The following EGFLAM variants were observed in gnomAD, a reference collection of about 807,000 sequenced individuals.
EGFLAM encodes the protein EGF like, fibronectin type III and laminin G domains.
Under a neutral mutation model 113.1 loss-of-function variants are expected in EGFLAM, and 79 were observed. The ratio of observed to expected loss-of-function variants is 0.70; its 90% CI spans 0.58 to 0.84. The LOEUF is 0.84. Ranked by LOEUF, EGFLAM falls within the 40% of genes least tolerant of loss-of-function variation. EGFLAM has a pLI of 0.00. For missense variants in EGFLAM, 1,265 were observed against 1,291.6 expected, an observed-to-expected ratio of 0.98 and a Z score of 0.32; for synonymous variants, 504 against 487.6, an observed-to-expected ratio of 1.03 and a Z score of -0.44.
intron 1 of EGFLAM, among the ~76,000 whole-genome samples, chr5:38,264,049 G>A (rs1330330686): frequency 4.6e-5 from 7 of 152,220 alleles, no homozygotes; most frequent in African/African-American, 1.4e-4. Context: ...ACTTAGGGCT[G>A]ACAGCCGTGG....
At chr5:38,262,643 A>G (rs563604379) in intron 1 of EGFLAM, among the ~76,000 whole-genome samples, 55 of 152,280 alleles carry the variant, frequency 3.6e-4, no homozygotes, top group African/African-American at 9.9e-4. Flanking sequence ...ATGTTTTTGC[A>G]TATATTGGAA....
At chr5:38,369,704 A>G (rs531348428) in intron 5 of EGFLAM, among the ~76,000 whole-genome samples, 29 of 152,154 alleles carry the variant, frequency 1.9e-4, no homozygotes, top group African/African-American at 6.7e-4. Flanking sequence ...TCTGTGTATT[A>G]CCTCCCAGAT....
At chr5:38,458,461 C>G in intron 20 of EGFLAM, 67 bp downstream of exon 20, 1 of 1,497,450 alleles carries the variant, frequency 6.7e-7, no homozygotes, top group African/African-American at 1.4e-5. Flanking sequence ...TGTCCAGTTC[C>G]CTTGTAGTCC....
intron 18 of EGFLAM, among the ~76,000 whole-genome samples, chr5:38,450,237 G>A (rs1742867615): frequency 6.6e-6 from 1 of 152,190 alleles, no homozygotes; most frequent in African/African-American, 2.4e-5. Flanking sequence ...AGGAACCTGA[G>A]CGAAAATCTG....
Position 38,427,353 on chromosome 5 carries a change from G to A in EGFLAM, c.2054+101G>A, listed in dbSNP as rs141065085. ...CCATTCAACAGCTCACACTCATCCTGTCTTCTCTACATGCTTATCTTCTGA... is the reference window on the plus strand; with the variant it reads ...CCATTCAACAGCTCACACTCATCCTATCTTCTCTACATGCTTATCTTCTGA... On this transcript the variant is annotated intron_variant, in intron 14 of 21. Transcript: ENST00000322350. The A allele has an allele frequency of 5.5e-4, 845 of 1,528,614 alleles. 5 individuals are homozygous for A. The East Asian group carries it at 0.018, about 32-fold the overall frequency. 94.7% of individuals were successfully genotyped at this position (1,528,614 alleles called of 1,614,324 possible).
chr5:38,322,433 T>C (rs895419206), intron 1 of EGFLAM, among the ~76,000 whole-genome samples: 13 of 152,130 alleles, frequency 8.5e-5, no homozygotes, highest in Non-Finnish European at 1.5e-4. Flanking sequence ...TAGAGGAGGA[T>C]CCAAACTGGT....
chr5:38,346,169 AT>A (rs1453136765), intron 3 of EGFLAM, among the ~76,000 whole-genome samples: 1 of 152,142 alleles, frequency 6.6e-6, no homozygotes, highest in African/African-American at 2.4e-5. Context: ...GAGTTCCAGA[AT>A]TTTTTGATCT....
chr5:38,416,808 G>C (rs79469142), intron 11 of EGFLAM, among the ~76,000 whole-genome samples: 1 of 152,130 alleles, frequency 6.6e-6, no homozygotes, highest in South Asian at 2.1e-4. Flanking sequence ...GGCAAACAGC[G>C]TAACCTGACC....
chr5:38,347,727 G>A (rs1739511400), intron 3 of EGFLAM, among the ~76,000 whole-genome samples: 1 of 151,992 alleles, frequency 6.6e-6, no homozygotes, highest in Admixed American at 6.6e-5. Flanking sequence ...AGGATAAACA[G>A]GGGGACAAAA....
intron 10 of EGFLAM, among the ~76,000 whole-genome samples, chr5:38,410,060 A>G (rs745374402): frequency 3.9e-5 from 6 of 152,080 alleles, no homozygotes; most frequent in Non-Finnish European, 8.8e-5. Flanking sequence ...GCCTTTCCTC[A>G]TGGGGCTGTT....
At chr5:38,368,557 C>T (rs1239873800) in intron 5 of EGFLAM, among the ~76,000 whole-genome samples, 2 of 152,198 alleles carry the variant, frequency 1.3e-5, no homozygotes, top group Admixed American at 1.3e-4. Context: ...CAAAATGACT[C>T]TCTATTTCCT....
In EGFLAM at chr5:38,265,074, TA is replaced by T. The variant is rs1561254334; in HGVS notation, c.97+6225del. On this transcript the variant is annotated intron_variant, in intron 1 of 21. Transcript: ENST00000322350. ...GTCAAGGTCAGGAGTAAGTGTAGTT[TA>T]ATGTGAGGCAAGACTTGTTTTTCCG... Among the ~76,000 whole-genome samples, 3 of 152,324 alleles carry T rather than the reference TA, an allele frequency of 2.0e-5. No individual in the cohort carries two copies. The South Asian group carries it at 6.2e-4, about 32-fold the overall frequency.
At chr5:38,408,943 TG>T in intron 9 of EGFLAM, 60 bp from the exon 10 acceptor site, 1 of 1,352,374 alleles carries the variant, frequency 7.4e-7, no homozygotes, top group Non-Finnish European at 1.0e-6. Context: ...TCTTTCCAGG[TG>T]GTGCCTTAAG....
At chr5:38,269,332 G>A (rs148078860) in intron 1 of EGFLAM, among the ~76,000 whole-genome samples, 1 of 152,210 alleles carries the variant, frequency 6.6e-6, no homozygotes, top group African/African-American at 2.4e-5. Context: ...TAACAAAAAG[G>A]ACTGACTAGT....
chr5:38,337,693 C>G, intron 2 of EGFLAM, 64 bp downstream of exon 2: 2 of 1,368,946 alleles, frequency 1.5e-6, no homozygotes, highest in East Asian at 5.0e-5. Context: ...TCTTTCTCAT[C>G]CTTGCTTTTT....
chr5:38,327,303 T>A (rs1245512665), intron 1 of EGFLAM, among the ~76,000 whole-genome samples: 2 of 152,078 alleles, frequency 1.3e-5, no homozygotes, highest in South Asian at 2.1e-4. Context: ...AACCAAGGAG[T>A]GTGGTTATAC....
At chr5:38,440,450 G>T (rs1435113328) in intron 17 of EGFLAM, among the ~76,000 whole-genome samples, 1 of 152,124 alleles carries the variant, frequency 6.6e-6, no homozygotes, top group African/African-American at 2.4e-5. Flanking sequence ...GTGGGCAGTT[G>T]CCATGCCGAC....
At chr5:38,326,018 C>T (rs939808790) in intron 1 of EGFLAM, among the ~76,000 whole-genome samples, 8 of 152,006 alleles carry the variant, frequency 5.3e-5, no homozygotes, top group African/African-American at 1.4e-4. Context: ...AGAAAAAACT[C>T]TTCCACTCAG....
intron 1 of EGFLAM, among the ~76,000 whole-genome samples, chr5:38,335,982 T>C (rs1008600525): frequency 1.3e-5 from 2 of 152,178 alleles, no homozygotes; most frequent in African/African-American, 4.8e-5. Flanking sequence ...TTTATTGTGC[T>C]TTTACCATTA....
Sources: allele counts gnomAD v4.1 joint callset (sites outside exome capture counted in the v4.1 genomes callset), GRCh38; gene constraint gnomAD v4.1.1; transcripts MANE v1.5; gene names NCBI Gene and HGNC (gene_info 2026-07-23, HGNC 2026-07-21).